The following ITPK1 variants were observed in gnomAD, a reference collection of about 807,000 sequenced individuals.
The protein encoded by ITPK1 is inositol-tetrakisphosphate 1-kinase, also known as inositol 1,3,4-trisphosphate 5/6-kinase.
A neutral mutation model predicts 45.3 loss-of-function variants in ITPK1; 21 were observed. That is an observed-to-expected ratio of 0.46 (90% confidence interval 0.33 to 0.67). The LOEUF (loss-of-function observed/expected upper bound fraction) is 0.67. ITPK1 is among the 30% of genes least tolerant of loss of function. The pLI, the probability that ITPK1 is intolerant of heterozygous loss-of-function variation, is 0.02. For missense variants in ITPK1, 474 were observed against 573.5 expected (o/e 0.83, Z 1.77); for synonymous variants, 258 against 253.6 (o/e 1.02, Z -0.16).
chr14:92,951,176 C>G (rs1230933903), intron 9 of ITPK1, among the ~76,000 whole-genome samples: 2 of 152,246 alleles, frequency 1.3e-5, no homozygotes, highest in African/African-American at 4.8e-5. Context: ...TGGCAGAGGG[C>G]TCTTGAGTTT....
intron 9 of ITPK1, among the ~76,000 whole-genome samples, chr14:92,949,093 CTTT>C (rs970241666): frequency 6.9e-6 from 1 of 144,396 alleles, no homozygotes; most frequent in Non-Finnish European, 1.5e-5. Flanking sequence ...ACTTTTCTTT[CTTT>C]TTTTTTTTTT....
At chr14:93,094,721 C>A (rs907067528) in intron 2 of ITPK1, among the ~76,000 whole-genome samples, 4 of 152,376 alleles carry the variant, frequency 2.6e-5, no homozygotes, top group Non-Finnish European at 5.9e-5. Flanking sequence ...CTGGCAGTCA[C>A]AGCGTGGGGA....
chr14:93,110,672 T>C (rs1892713887), intron 2 of ITPK1, among the ~76,000 whole-genome samples: 1 of 152,216 alleles, frequency 6.6e-6, no homozygotes, highest in African/African-American at 2.4e-5. Flanking sequence ...TGAACATTAA[T>C]GAACTCCTCA....
chr14:93,025,312 CACGTTGCTGTCTTTCT>C (rs1467557865), intron 3 of ITPK1, among the ~76,000 whole-genome samples: 1 of 152,224 alleles, frequency 6.6e-6, no homozygotes, highest in East Asian at 1.9e-4. Flanking sequence ...TAGCGCCGCC[CACGTTGCTGTCTTTCT>C]ACTTTAGTTG....
Position 93,076,595 on chromosome 14 carries a change from C to T in ITPK1, c.120G>A (p.Gln40=). 6.2e-7 allele frequency: 1 copy of T among 1,614,208 alleles called. No individual in the cohort carries two copies. ...CCACGGGGACGCGGTCTGTACTCAC[C>T]TGCACAACCTCCATCCCTCGCTTCC... is the stretch of plus-strand genomic sequence containing the variant. ...LCRKRGMEVV[Q]LNLSRPIEEQ... The change falls in exon 3 of 11, where the codon CAG becomes CAA. Residue 40 remains glutamine, a splice_region_variant and synonymous_variant. Coordinates refer to ENST00000267615, the MANE Select transcript of ITPK1 (RefSeq NM_014216.6). This position sits in a 1 kb window ranked among gnomAD's most constrained non-coding sequence, Gnocchi z 4.3.
At chr14:92,998,070 C>T (rs905858564) in intron 4 of ITPK1, among the ~76,000 whole-genome samples, 1 of 152,214 alleles carries the variant, frequency 6.6e-6, no homozygotes, top group African/African-American at 2.4e-5. Context: ...AGTCCTGAGT[C>T]CAGATTCTGC....
intron 5 of ITPK1, among the ~76,000 whole-genome samples, chr14:92,991,510 G>A (rs961576697): frequency 4.6e-5 from 7 of 152,084 alleles, no homozygotes; most frequent in Non-Finnish European, 7.4e-5. Flanking sequence ...CCCTCTCCTG[G>A]AACACCCACA....
chr14:92,976,360 A>C (rs1885940281), intron 5 of ITPK1, among the ~76,000 whole-genome samples: 1 of 152,202 alleles, frequency 6.6e-6, no homozygotes, highest in African/African-American at 2.4e-5. Flanking sequence ...GCAAGGCCAG[A>C]GAGGCTGTCT....
At chr14:92,948,844 AGTCC>A in intron 9 of ITPK1, among the ~76,000 whole-genome samples, 1 of 105,936 alleles carries the variant, frequency 9.4e-6, no homozygotes, top group East Asian at 2.8e-4. Flanking sequence ...CCACGCTCCA[AGTCC>A]GGGCGCCGCC....
At position 93,014,708 on chromosome 14, in the gene ITPK1, A is replaced by G. The variant is rs991221986; in HGVS notation, c.246+1968T>C. Among the ~76,000 whole-genome samples the G allele has an allele frequency of 6.6e-6, 1 of 152,208 alleles. No individual in the cohort carries two copies. Among genetic ancestry groups the G allele is most frequent in the Admixed American group, 6.5e-5 (1 of 15,284 alleles). ...AGGAGAGCAAGCTAGCGCAGGCTCA[A>G]ATCCCACCTGGACCACTTTCTAGTT... On this transcript the variant is annotated intron_variant, in intron 4 of 10. Transcript: ENST00000267615. The surrounding 1 kb of genome is among the most constrained non-coding windows in gnomAD (Gnocchi z 4.4).
At chr14:93,085,207 G>C (rs1023889858) in intron 2 of ITPK1, among the ~76,000 whole-genome samples, 3 of 152,264 alleles carry the variant, frequency 2.0e-5, no homozygotes, top group Non-Finnish European at 4.4e-5. Flanking sequence ...CATACGAACA[G>C]AATTTTAAAG....
rs1312402250 is a variant in ITPK1, at chr14:92,941,906, TG to T, written c.902-3del. 4 of 1,610,242 alleles carry T rather than the reference TG, an allele frequency of 2.5e-6. No individual in the cohort carries two copies. In the African/African-American group the frequency reaches 4.0e-5, roughly 16 times the overall value. The stretch of plus-strand genomic sequence containing the variant: ...AGAACTCGCTCACGCCCTCGTAGCC[TG>T]GGGGTGGGAGAGAGACAGCACAAGG... On this transcript the variant is annotated splice_polypyrimidine_tract_variant and splice_region_variant and intron_variant, in intron 10 of 10. Transcript: ENST00000267615.
At chr14:93,023,159 T>G (rs969948203) in intron 3 of ITPK1, among the ~76,000 whole-genome samples, 1 of 152,198 alleles carries the variant, frequency 6.6e-6, no homozygotes, top group Non-Finnish European at 1.5e-5. Context: ...GGATTACAGG[T>G]GTGAGCCACC....
intron 3 of ITPK1, among the ~76,000 whole-genome samples, chr14:93,060,494 G>C (rs537961492): frequency 6.6e-6 from 1 of 152,266 alleles, no homozygotes; most frequent in East Asian, 1.9e-4. Context: ...CCAGGCTGAG[G>C]GTACACAGTC....
chr14:93,072,896 G>A lies in ITPK1; in HGVS notation c.120+3699C>T, dbSNP rs140414071. On this transcript the variant is annotated intron_variant, in intron 3 of 10. Transcript: ENST00000267615. ...ACCCAAAACAAAGGTCATTCTTAAT[G>A]TGCTATCAGCTGACGACACCATCAG... Among the ~76,000 whole-genome samples, 450 of 152,334 alleles carry A rather than the reference G, an allele frequency of 3.0e-3. 2 individuals are homozygous for A. The highest frequency in any genetic ancestry group is 0.01 in the Middle Eastern group (3 of 294).
In ITPK1 at chr14:92,939,672, G is replaced by C. The variant is rs570671160; in HGVS notation, c.*1889C>G. 6.1e-6 allele frequency: 6 copies of C among 985,112 alleles called. No homozygotes were observed. In the South Asian group the frequency reaches 2.8e-4, roughly 46 times the overall value. 61.0% of individuals were successfully genotyped at this position (985,112 alleles called of 1,614,324 possible). On this transcript the variant is annotated 3_prime_UTR_variant, in exon 11 of 11. Coordinates refer to ENST00000267615, the MANE Select transcript of ITPK1 (RefSeq NM_014216.6). The stretch of plus-strand genomic sequence containing the variant: ...TACTCGGTATCTGGGCCCTGGACGC[G>C]CAAGACCCCGGAGGCCACAAACGGT...
chr14:92,994,404 G>A lies in ITPK1; in HGVS notation c.247-407C>T, dbSNP rs188387725. ...GGCCAGGAGTCATCAGAGGGTCTGC[G>A]GGAAGGTGTGGTGGAGAGAAACACG... On this transcript the variant is annotated intron_variant, in intron 4 of 10. Coordinates refer to ENST00000267615, the MANE Select transcript of ITPK1 (RefSeq NM_014216.6). Among the ~76,000 whole-genome samples the A allele has an allele frequency of 5.1e-3, 774 of 152,256 alleles. 2 individuals carry two copies. Among genetic ancestry groups the A allele is most frequent in the South Asian group, 0.012 (60 of 4,822 alleles).
chr14:93,019,812 C>G (rs930365064), intron 3 of ITPK1, among the ~76,000 whole-genome samples: 1 of 152,162 alleles, frequency 6.6e-6, no homozygotes, highest in Admixed American at 6.5e-5. Flanking sequence ...CAGGGGGATG[C>G]CCGGGGGGAA....
At position 93,115,287 on chromosome 14, in the gene ITPK1, G is replaced by A. The variant is rs767455225; in HGVS notation, c.-124C>T. 3.6e-6 allele frequency: 2 copies of A among 553,316 alleles called. No individual in the cohort carries two copies. The highest frequency in any genetic ancestry group is 6.1e-6 in the Non-Finnish European group (2 of 325,772). The allele number at this position is 553,316 out of a possible 1,614,324, so 34.3% of individuals were successfully genotyped here. On this transcript the variant is annotated 5_prime_UTR_variant, in exon 2 of 11. Transcript: ENST00000267615. The stretch of plus-strand genomic sequence containing the variant: ...GCGGCGGGGACGCGGAACGGGGATC[G>A]GAGCTGGGGCGCGCAGTCCTGCCGC...
Sources: gnomAD v4.1 joint callset for allele counts (sites outside exome capture counted in the v4.1 genomes callset) on GRCh38, gnomAD v4.1.1 for gene constraint, Gnocchi (gnomAD v3.1) non-coding constraint, MANE v1.5 for transcripts, NCBI Gene and HGNC (gene_info 2026-07-23, HGNC 2026-07-21) for gene names.